Variants in OSBPL6 observed in about 807,000 individuals in gnomAD.
OSBPL6 encodes oxysterol-binding protein-related protein 6.
OSBPL6 carries 49 observed loss-of-function variants against 125.8 expected under a neutral mutation model. The observed-to-expected ratio is 0.39, with a 90% CI of 0.31 to 0.49. The LOEUF (loss-of-function observed/expected upper bound fraction) is 0.49, where lower values mean the gene tolerates loss of function less well. Among genes scored for constraint, OSBPL6 ranks in the 20% least tolerant of loss-of-function variants. The pLI is 0.88. For missense variants in OSBPL6, 986 were observed against 1,135.4 expected, an observed-to-expected ratio of 0.87 and a Z score of 1.89; for synonymous variants, 394 against 391.8, an observed-to-expected ratio of 1.01 and a Z score of -0.07.
intron 1 of OSBPL6, among the ~76,000 whole-genome samples, chr2:178,231,197 A>G (rs970880475): frequency 1.3e-5 from 2 of 152,178 alleles, no homozygotes; most frequent in African/African-American, 4.8e-5. Flanking sequence ...TGTCTGATTT[A>G]CTTAGGGCCC....
chr2:178,368,293 G>T (rs1273362038), intron 13 of OSBPL6, among the ~76,000 whole-genome samples: 1 of 152,068 alleles, frequency 6.6e-6, no homozygotes, highest in Non-Finnish European at 1.5e-5. Context: ...CGCAGAAAGG[G>T]GCTGTTGCAT....
chr2:178,351,333 G>A (rs549233959), intron 12 of OSBPL6, among the ~76,000 whole-genome samples: 21 of 152,180 alleles, frequency 1.4e-4, no homozygotes, highest in African/African-American at 4.8e-4. Flanking sequence ...ATGATCCTAT[G>A]TGTAGAAAAC....
At chr2:178,272,343 T>G (rs2154025421) in intron 1 of OSBPL6, among the ~76,000 whole-genome samples, 1 of 152,284 alleles carries the variant, frequency 6.6e-6, no homozygotes, top group South Asian at 2.1e-4. Context: ...ACTATGTAAT[T>G]TTTGCATTTT....
intron 1 of OSBPL6, among the ~76,000 whole-genome samples, chr2:178,259,202 A>G (rs986476909): frequency 6.6e-6 from 1 of 151,772 alleles, no homozygotes; most frequent in Non-Finnish European, 1.5e-5. Context: ...CCTGCCCCCT[A>G]TTTTCCCCAA....
intron 2 of OSBPL6, among the ~76,000 whole-genome samples, chr2:178,299,920 G>A (rs1362220612): frequency 6.6e-6 from 1 of 152,136 alleles, no homozygotes; most frequent in Non-Finnish European, 1.5e-5. Context: ...AGAGATTAGA[G>A]GCTTGATGAG....
chr2:178,243,392 C>G (rs1375424468), intron 1 of OSBPL6, among the ~76,000 whole-genome samples: 1 of 152,180 alleles, frequency 6.6e-6, no homozygotes, highest in Non-Finnish European at 1.5e-5. Context: ...CAAAACCAAT[C>G]TTTTGATCCC....
intron 1 of OSBPL6, among the ~76,000 whole-genome samples, chr2:178,232,886 G>A (rs977955318): frequency 3.3e-5 from 5 of 152,112 alleles, no homozygotes; most frequent in Admixed American, 6.6e-5. Context: ...AGATGTACTC[G>A]TGTATACGCT....
chr2:178,362,477 A>G (rs1692443736), intron 13 of OSBPL6, among the ~76,000 whole-genome samples: 1 of 152,180 alleles, frequency 6.6e-6, no homozygotes, highest in African/African-American at 2.4e-5. Flanking sequence ...GTTCCTTAGA[A>G]GTAAGTATTT....
chr2:178,206,643 C>G (rs1402346211), intron 1 of OSBPL6, among the ~76,000 whole-genome samples: 1 of 152,010 alleles, frequency 6.6e-6, no homozygotes, highest in Non-Finnish European at 1.5e-5. Flanking sequence ...GAGATGGAGT[C>G]TCGCTCTGTT....
At chr2:178,373,818 T>A (rs1349646353) in intron 14 of OSBPL6, 72 bp from the exon 15 acceptor site, 1 of 1,564,632 alleles carries the variant, frequency 6.4e-7, no homozygotes, top group Non-Finnish European at 8.7e-7. Context: ...AGTAGAAATC[T>A]GGCTAATTTG....
At chr2:178,223,425 C>T (rs1372957173) in intron 1 of OSBPL6, among the ~76,000 whole-genome samples, 5 of 152,068 alleles carry the variant, frequency 3.3e-5, no homozygotes, top group Non-Finnish European at 4.4e-5. Flanking sequence ...AGATATTTTC[C>T]CCCACTGGAT....
intron 1 of OSBPL6, among the ~76,000 whole-genome samples, chr2:178,212,196 A>G (rs1407532374): frequency 6.6e-6 from 1 of 152,136 alleles, no homozygotes; most frequent in Non-Finnish European, 1.5e-5. Flanking sequence ...TTTCCCTGAC[A>G]TACCCTGTGT....
At chr2:178,386,493 A>AT (rs913684618) in intron 19 of OSBPL6, among the ~76,000 whole-genome samples, 20 of 152,040 alleles carry the variant, frequency 1.3e-4, no homozygotes, top group South Asian at 4.2e-4. Flanking sequence ...GTATTTGGAG[A>AT]TTTTTTTTAA....
At chr2:178,199,590 T>G (rs557596057) in intron 1 of OSBPL6, among the ~76,000 whole-genome samples, 1 of 152,020 alleles carries the variant, frequency 6.6e-6, no homozygotes, top group African/African-American at 2.4e-5. Flanking sequence ...AAGGGTTTTT[T>G]TTTTTTTTTT....
chr2:178,332,835 T>G, intron 7 of OSBPL6, 36 bp from the exon 8 acceptor site: 1 of 1,608,766 alleles, frequency 6.2e-7, no homozygotes, highest in Non-Finnish European at 8.5e-7. Flanking sequence ...GGAGAGTTAT[T>G]TTACAATTAC....
intron 1 of OSBPL6, among the ~76,000 whole-genome samples, chr2:178,244,826 T>C (rs2091433315): frequency 6.6e-6 from 1 of 152,200 alleles, no homozygotes; most frequent in Non-Finnish European, 1.5e-5. Context: ...CCTACTGTAC[T>C]GTACAGAACA....
chr2:178,311,891 T>A (rs747415611), intron 3 of OSBPL6, among the ~76,000 whole-genome samples: 45 of 152,218 alleles, frequency 3.0e-4, no homozygotes, highest in South Asian at 6.2e-4. Flanking sequence ...AGCAGAGAGT[T>A]GGGAGCATTC....
At chr2:178,211,939 T>G (rs779587981) in intron 1 of OSBPL6, among the ~76,000 whole-genome samples, 3 of 152,208 alleles carry the variant, frequency 2.0e-5, no homozygotes, top group Non-Finnish European at 4.4e-5. Context: ...TAGTATATGT[T>G]TTGATTTCCA....
At chr2:178,385,975 T>C (rs1158114994) in intron 19 of OSBPL6, among the ~76,000 whole-genome samples, 1 of 152,248 alleles carries the variant, frequency 6.6e-6, no homozygotes, top group Non-Finnish European at 1.5e-5. Context: ...TCACTGGGGC[T>C]CCAGAGTTTG....
Sources: allele counts gnomAD v4.1 joint callset (sites outside exome capture counted in the v4.1 genomes callset), GRCh38; gene constraint gnomAD v4.1.1; transcripts MANE v1.5; gene names NCBI Gene and HGNC (gene_info 2026-07-23, HGNC 2026-07-21).